TMCC1: variants seen among roughly 807,000 people sequenced by gnomAD.
TMCC1 encodes the protein transmembrane and coiled-coil domain family 1, also known as transmembrane and coiled-coil domains protein 1.
In TMCC1, 15 loss-of-function variants were observed where a neutral mutation model predicts 52.4. That is an observed-to-expected ratio of 0.29 (90% confidence interval 0.19 to 0.44). The LOEUF is 0.44. Among genes scored for constraint, TMCC1 ranks in the 20% least tolerant of loss-of-function variants. The probability of loss-of-function intolerance (pLI) is 1.00; values close to 1 mark genes in which losing one functional copy is unlikely to be tolerated. For missense variants in TMCC1, 503 were observed against 806.0 expected (o/e 0.62, Z 4.55); for synonymous variants, 279 against 301.9 (o/e 0.92, Z 0.79).
At chr3:129,839,809 C>G (rs1255989656) in intron 2 of TMCC1, among the ~76,000 whole-genome samples, 1 of 152,002 alleles carries the variant, frequency 6.6e-6, no homozygotes, top group Non-Finnish European at 1.5e-5. Flanking sequence ...CACTTGAGCC[C>G]AGGAGGTCCA....
At chr3:129,733,375 G>A (rs1372691875) in intron 4 of TMCC1, among the ~76,000 whole-genome samples, 1 of 152,166 alleles carries the variant, frequency 6.6e-6, no homozygotes, top group African/African-American at 2.4e-5. Context: ...ACTATTCTCT[G>A]CTTTCTTACC....
At chr3:129,668,349 T>A in intron 5 of TMCC1, among the ~76,000 whole-genome samples, 1 of 152,244 alleles carries the variant, frequency 6.6e-6, no homozygotes, top group Non-Finnish European at 1.5e-5. Context: ...GGCACTGAGC[T>A]ATGTGCTTTA....
chr3:129,834,643 A>G (rs1414244961), intron 2 of TMCC1, among the ~76,000 whole-genome samples: 4 of 152,334 alleles, frequency 2.6e-5, no homozygotes, highest in African/African-American at 9.6e-5. Flanking sequence ...CAGAGAAATT[A>G]GGTAAGGAAC....
Position 129,678,359 on chromosome 3 carries a change from C to CTTT in TMCC1, c.577-7098_577-7096dup, listed in dbSNP as rs71155564. ...CCCTTGGCATGTACATTGTTTAATTCTTTTTTTTTTTTTTTTTTTGAGATG... is the reference window on the plus strand; with the variant it reads ...CCCTTGGCATGTACATTGTTTAATTCTTTTTTTTTTTTTTTTTTTTTTGAGATG... On this transcript the variant is annotated intron_variant, in intron 4 of 6. Transcript: ENST00000393238. Among the ~76,000 whole-genome samples the CTTT allele has an allele frequency of 8.8e-4, 103 of 117,186 alleles. 1 individual carries two copies. Among genetic ancestry groups the CTTT allele is most frequent in the African/African-American group, 1.3e-3 (40 of 29,666 alleles). The allele number at this position is 117,186 out of a possible 152,430, so 76.9% of individuals were successfully genotyped here.
intron 4 of TMCC1, among the ~76,000 whole-genome samples, chr3:129,695,886 C>G (rs1183901232): frequency 6.6e-6 from 1 of 152,174 alleles, no homozygotes; most frequent in Non-Finnish European, 1.5e-5. Flanking sequence ...CATAAATTCT[C>G]ATCAGCTGGG....
intron 4 of TMCC1, among the ~76,000 whole-genome samples, chr3:129,755,637 A>G (rs1314943624): frequency 6.6e-6 from 1 of 152,246 alleles, no homozygotes; most frequent in African/African-American, 2.4e-5. Context: ...CAAACACGTG[A>G]AAAGATATTC....
chr3:129,839,590 A>G (rs2059331315), intron 2 of TMCC1, among the ~76,000 whole-genome samples: 1 of 152,192 alleles, frequency 6.6e-6, no homozygotes, highest in Non-Finnish European at 1.5e-5. Flanking sequence ...CCTCTTCTCT[A>G]CAAAAAAATA....
chr3:129,861,282 T>C (rs1396719144), intron 2 of TMCC1, among the ~76,000 whole-genome samples: 1 of 151,884 alleles, frequency 6.6e-6, no homozygotes, highest in African/African-American at 2.4e-5. Flanking sequence ...CTACTAAAAA[T>C]ACAAAAATTT....
chr3:129,807,198 A>G (rs2057515871), intron 4 of TMCC1, among the ~76,000 whole-genome samples: 1 of 152,210 alleles, frequency 6.6e-6, no homozygotes, highest in Non-Finnish European at 1.5e-5. Flanking sequence ...ACTGAAATAT[A>G]TAATTTAGGA....
chr3:129,757,548 T>C (rs2053124315), intron 4 of TMCC1, among the ~76,000 whole-genome samples: 1 of 152,156 alleles, frequency 6.6e-6, no homozygotes, highest in African/African-American at 2.4e-5. Context: ...CGGCTGGGCA[T>C]GGTTGCTCAT....
At chr3:129,766,519 T>C (rs1239814269) in intron 4 of TMCC1, among the ~76,000 whole-genome samples, 1 of 152,190 alleles carries the variant, frequency 6.6e-6, no homozygotes, top group Non-Finnish European at 1.5e-5. Flanking sequence ...GCCTAGCACA[T>C]GATAAGCAAT....
rs2058747823 is a variant in TMCC1, at chr3:129,828,333, C to T, written c.46G>A (p.Gly16Arg). ...GCCTCTGCATCTTGGGATTTGCCTC[C>T]AGGATCAGGGTCCTCAAATAACTGT... ...SEQLFEDPDP[G>R]GKSQDAEARK... is the part of the protein sequence containing the mutation. Residue 16 changes from glycine to arginine, a missense_variant, in exon 4 of 7, where the codon GGA (glycine) becomes AGA (arginine). Gly to Arg is a moderately radical substitution (Grantham distance 125). Around this residue, in one of 7 missense-constraint regions of TMCC1, gnomAD observed 217 missense variants for 297.9 expected, o/e 0.73. Transcript: ENST00000393238. This position sits in a 1 kb window ranked among gnomAD's most constrained non-coding sequence, Gnocchi z 4.1. 1 of 1,613,864 alleles carries T rather than the reference C, an allele frequency of 6.2e-7. No individual in the cohort carries two copies. The highest frequency in any genetic ancestry group is 8.5e-7 in the Non-Finnish European group (1 of 1,180,012).
chr3:129,796,027 A>G (rs1232679685), intron 4 of TMCC1, among the ~76,000 whole-genome samples: 2 of 152,240 alleles, frequency 1.3e-5, no homozygotes, highest in East Asian at 1.9e-4. Flanking sequence ...TTTATCACAG[A>G]TATGTGTATA....
At chr3:129,864,518 G>A (rs878982736) in intron 2 of TMCC1, among the ~76,000 whole-genome samples, 2 of 152,118 alleles carry the variant, frequency 1.3e-5, no homozygotes, top group African/African-American at 4.8e-5. Context: ...GGCTGGGCAC[G>A]GTGGCTCATA....
At chr3:129,757,868 T>A (rs2053160204) in intron 4 of TMCC1, among the ~76,000 whole-genome samples, 2 of 151,054 alleles carry the variant, frequency 1.3e-5, no homozygotes, top group African/African-American at 4.9e-5. Context: ...ATCATAACAC[T>A]CAAAATCACA....
chr3:129,794,499 T>C (rs1673672749), intron 4 of TMCC1: 1 of 404,316 alleles, frequency 2.5e-6, no homozygotes, highest in African/African-American at 2.1e-5. Flanking sequence ...CTTAGCAAAC[T>C]TGGAAAGCCT....
At chr3:129,701,687 A>C (rs2047848753) in intron 4 of TMCC1, among the ~76,000 whole-genome samples, 1 of 152,222 alleles carries the variant, frequency 6.6e-6, no homozygotes, top group Non-Finnish European at 1.5e-5. Flanking sequence ...TTCAGACACT[A>C]AATTATGTCT....
chr3:129,772,454 G>A (rs2054667087), intron 4 of TMCC1, among the ~76,000 whole-genome samples: 1 of 151,966 alleles, frequency 6.6e-6, no homozygotes, highest in African/African-American at 2.4e-5. Flanking sequence ...GGTGGCTCAC[G>A]CCTGTAATCC....
chr3:129,757,533 G>C (rs2053122236), intron 4 of TMCC1, among the ~76,000 whole-genome samples: 1 of 152,106 alleles, frequency 6.6e-6, no homozygotes, highest in African/African-American at 2.4e-5. Flanking sequence ...AAAATAAAAA[G>C]GAATCGGCTG....
Sources: gnomAD v4.1 joint callset for allele counts (sites outside exome capture counted in the v4.1 genomes callset) on GRCh38, gnomAD v4.1.1 for gene constraint, gnomAD v4.1.1 regional missense constraint, Gnocchi (gnomAD v3.1) non-coding constraint, MANE v1.5 for transcripts, NCBI Gene and HGNC (gene_info 2026-07-23, HGNC 2026-07-21) for gene names.